The following ALDH9A1 variants were observed in gnomAD, a reference collection of about 807,000 sequenced individuals.
ALDH9A1 encodes 4-trimethylaminobutyraldehyde dehydrogenase.
Under a neutral mutation model 56.6 loss-of-function variants are expected in ALDH9A1, and 42 were observed. The observed-to-expected ratio is 0.74, with a 90% CI of 0.58 to 0.96. The LOEUF (loss-of-function observed/expected upper bound fraction) is 0.96, where lower values mean the gene tolerates loss of function less well. ALDH9A1 is among the 40% of genes least tolerant of loss of function. The pLI is 0.00. For missense variants in ALDH9A1, 661 were observed against 651.5 expected (o/e 1.01, Z -0.16); for synonymous variants, 242 against 236.0 (o/e 1.03, Z -0.23).
At chr1:165,695,588 T>C (rs889587634) in intron 1 of ALDH9A1, among the ~76,000 whole-genome samples, 191 bp from the exon 2 acceptor site, 8 of 145,022 alleles carry the variant, frequency 5.5e-5, no homozygotes, top group Admixed American at 3.5e-4. Context: ...CTCTGCCTCC[T>C]GAGTTCAAGC....
chr1:165,679,514 G>T lies in ALDH9A1; in HGVS notation c.858C>A (p.Ile286=). 6.2e-7 allele frequency: 1 copy of T among 1,614,148 alleles called. No homozygotes were observed. The highest frequency in any genetic ancestry group is 8.5e-7 in the Non-Finnish European group (1 of 1,180,016). ...TLELGGKSPL[I]IFSDCDMNNA... Reference sequence around the variant, plus strand: ...TGTTCATATCACAGTCTGAGAAGATGATGAGTGGAGATTTGCCTCCAAGTT... The same window carrying T: ...TGTTCATATCACAGTCTGAGAAGATTATGAGTGGAGATTTGCCTCCAAGTT... Residue 286 remains isoleucine (I), a synonymous_variant, in exon 6 of 11, where the codon ATC becomes ATA. Transcript: ENST00000354775.
At chr1:165,676,274 T>C (rs577542525) in intron 6 of ALDH9A1, 1 of 155,158 alleles carries the variant, frequency 6.4e-6, no homozygotes, top group South Asian at 2.0e-4. Flanking sequence ...AACCAGGGCT[T>C]TTGGTTGGTA....
chr1:165,677,685 C>T (rs377757037), intron 6 of ALDH9A1, among the ~76,000 whole-genome samples: 5 of 151,726 alleles, frequency 3.3e-5, no homozygotes, highest in African/African-American at 9.7e-5. Context: ...GGTAAAACCT[C>T]ATCTCTACTA....
chr1:165,695,194 T>C (rs1284187724), intron 2 of ALDH9A1, 58 bp downstream of exon 2: 79 of 1,514,296 alleles, frequency 5.2e-5, no homozygotes, highest in Non-Finnish European at 6.3e-5. Flanking sequence ...ACTGCAAACA[T>C]CACAAAGAAA....
chr1:165,663,290 T>A, intron 10 of ALDH9A1, 146 bp from the exon 11 acceptor site: 1 of 678,470 alleles, frequency 1.5e-6, no homozygotes, highest in East Asian at 2.7e-5. Flanking sequence ...ATCCACATAT[T>A]AGCTGTGAAT....
chr1:165,663,636 AC>A (rs1034067661), intron 10 of ALDH9A1, among the ~76,000 whole-genome samples: 1 of 152,232 alleles, frequency 6.6e-6, no homozygotes, highest in African/African-American at 2.4e-5. Context: ...AGTTCAAGAC[AC>A]TGCCCAATTA....
At chr1:165,690,192 T>C (rs1649845306) in intron 2 of ALDH9A1, among the ~76,000 whole-genome samples, 1 of 149,330 alleles carries the variant, frequency 6.7e-6, no homozygotes, top group Admixed American at 6.8e-5. Context: ...ATTATGTATA[T>C]GTATATTATA....
intron 2 of ALDH9A1, among the ~76,000 whole-genome samples, chr1:165,691,931 A>C (rs1649904553): frequency 6.6e-6 from 1 of 152,206 alleles, no homozygotes; most frequent in South Asian, 2.1e-4. Context: ...CAAATCAATA[A>C]ACGTAATCCA....
chr1:165,666,029 C>A (rs6657651), intron 9 of ALDH9A1, among the ~76,000 whole-genome samples: 34,296 of 151,900 alleles, frequency 0.23, 5,105 homozygotes, highest in East Asian at 0.8. Context: ...GATGAATGGA[C>A]GAACAAAAAG....
At chr1:165,676,577 C>A (rs758403292) in intron 6 of ALDH9A1, 29 of 264,202 alleles carry the variant, frequency 1.1e-4, no homozygotes, top group Non-Finnish European at 1.7e-4. Context: ...AATTAACGTG[C>A]ACATTGAGCA....
intron 8 of ALDH9A1, among the ~76,000 whole-genome samples, chr1:165,668,066 A>T: frequency 6.6e-6 from 1 of 152,214 alleles, no homozygotes; most frequent in East Asian, 1.9e-4. Flanking sequence ...ATGCCCATAT[A>T]CACCTTGACT....
At chr1:165,670,259 C>T (rs1649134205) in intron 6 of ALDH9A1, among the ~76,000 whole-genome samples, 1 of 151,886 alleles carries the variant, frequency 6.6e-6, no homozygotes, top group Non-Finnish European at 1.5e-5. Flanking sequence ...ATGATGAAAC[C>T]CCATCTCTAC....
At chr1:165,687,480 G>A (rs1486877455) in intron 2 of ALDH9A1, among the ~76,000 whole-genome samples, 7 of 151,932 alleles carry the variant, frequency 4.6e-5, no homozygotes, top group Non-Finnish European at 7.4e-5. Context: ...GGGGTGGGGG[G>A]TAGAGGGAGT....
Position 165,695,428 on chromosome 1 carries a change from CA to C in ALDH9A1, c.182-32del, listed in dbSNP as rs1380991765. On this transcript the variant is annotated intron_variant, in intron 1 of 10. Coordinates refer to ENST00000354775, the MANE Select transcript of ALDH9A1 (RefSeq NM_000696.4). ...AAGAGCGGAAACATCAGTTTTAACT[CA>C]AATTGTTGCCACATATTTAAATAAA... 9.3e-6 allele frequency: 14 copies of C among 1,500,390 alleles called. No homozygotes were observed. In the Middle Eastern group the frequency reaches 5.4e-4, roughly 58 times the overall value. The allele number at this position is 1,500,390 out of a possible 1,614,324, so 92.9% of individuals were successfully genotyped here.
At chr1:165,685,278 T>C (rs1649672194) in intron 2 of ALDH9A1, among the ~76,000 whole-genome samples, 1 of 152,156 alleles carries the variant, frequency 6.6e-6, no homozygotes, top group African/African-American at 2.4e-5. Flanking sequence ...CCCTCACTTC[T>C]CCCTTTCACT....
At chr1:165,673,987 G>A (rs1355351655) in intron 6 of ALDH9A1, among the ~76,000 whole-genome samples, 1 of 152,128 alleles carries the variant, frequency 6.6e-6, no homozygotes, top group Non-Finnish European at 1.5e-5. Flanking sequence ...GATAAAACAA[G>A]CTGTGGTAAA....
intron 10 of ALDH9A1, among the ~76,000 whole-genome samples, chr1:165,664,223 G>A (rs1045430999): frequency 2.0e-5 from 3 of 152,090 alleles, no homozygotes; most frequent in Non-Finnish European, 2.9e-5. Flanking sequence ...TGTGATGGCT[G>A]TAAATATTTG....
At chr1:165,676,565 A>G (rs554177665) in intron 6 of ALDH9A1, 18 of 267,864 alleles carry the variant, frequency 6.7e-5, no homozygotes, top group Non-Finnish European at 1.2e-4. Context: ...TCTTGCCAAG[A>G]GAATTAACGT....
intron 2 of ALDH9A1, 39 bp from the exon 3 acceptor site, chr1:165,683,149 C>G: frequency 6.3e-7 from 1 of 1,593,714 alleles, no homozygotes; most frequent in Non-Finnish European, 8.6e-7. Flanking sequence ...AGACATATTC[C>G]AATATGTCTT....
Sources: gnomAD v4.1 joint callset for allele counts (sites outside exome capture counted in the v4.1 genomes callset) on GRCh38, gnomAD v4.1.1 for gene constraint, MANE v1.5 for transcripts, NCBI Gene and HGNC (gene_info 2026-07-23, HGNC 2026-07-21) for gene names.